CRYBG1: variants seen among roughly 807,000 people sequenced by gnomAD.
The protein encoded by CRYBG1 is crystallin beta-gamma domain containing 1.
Under a neutral mutation model 189.2 loss-of-function variants are expected in CRYBG1, and 139 were observed. That is an observed-to-expected ratio of 0.73 (90% CI 0.64 to 0.85). The LOEUF (loss-of-function observed/expected upper bound fraction) is 0.85, where lower values mean the gene tolerates loss of function less well. CRYBG1 is among the 40% of genes least tolerant of loss of function. The pLI, the probability that CRYBG1 is intolerant of heterozygous loss-of-function variation, is 0.00. For missense variants in CRYBG1, 2,611 were observed against 2,675.8 expected (o/e 0.98, Z 0.53); for synonymous variants, 1,023 against 1,017.1 (o/e 1.01, Z -0.11).
chr6:106,445,049 T>C (rs9386544), intron 1 of CRYBG1, among the ~76,000 whole-genome samples: 48,129 of 151,994 alleles, frequency 0.32, 8,149 homozygotes, highest in East Asian at 0.54. Flanking sequence ...AATCAGGAAG[T>C]AGAGGCTGAC....
rs764331448 is a variant in CRYBG1, at chr6:106,460,148, G to A, written c.312+8316G>A. ...ACTACAGGCGCCCGCCACCACGCCC[G>A]GCTAATTTTTTTTTTTGTATTTTTA... is the stretch of plus-strand genomic sequence containing the variant. On this transcript the variant is annotated intron_variant, in intron 2 of 21. Transcript: ENST00000633556. 5.8e-4 allele frequency among the ~76,000 whole-genome samples: 46 copies of A among 78,946 alleles called. 1 individual carries two copies. The highest frequency in any genetic ancestry group is 9.3e-4 in the Non-Finnish European group (38 of 40,978). The allele number at this position is 78,946 out of a possible 152,430, so 51.8% of individuals were successfully genotyped here.
chr6:106,440,423 C>T (rs1477416054), intron 1 of CRYBG1, among the ~76,000 whole-genome samples: 1 of 149,596 alleles, frequency 6.7e-6, no homozygotes, highest in Admixed American at 6.6e-5. Context: ...CACCACCATG[C>T]CCAGCTAATT....
At chr6:106,469,770 G>GA (rs1017657972) in intron 2 of CRYBG1, among the ~76,000 whole-genome samples, 29 of 150,602 alleles carry the variant, frequency 1.9e-4, no homozygotes, top group East Asian at 3.9e-4. Flanking sequence ...GGCATTAAAA[G>GA]AAAAAAAAAG....
intron 2 of CRYBG1, among the ~76,000 whole-genome samples, chr6:106,482,687 A>C (rs1468446497): frequency 6.6e-6 from 1 of 152,184 alleles, no homozygotes; most frequent in Non-Finnish European, 1.5e-5. Flanking sequence ...AGGCAGTAGA[A>C]TGGCATGAAC....
At chr6:106,401,191 A>G (rs1032271855) in intron 1 of CRYBG1, among the ~76,000 whole-genome samples, 1 of 152,222 alleles carries the variant, frequency 6.6e-6, no homozygotes, top group Non-Finnish European at 1.5e-5. Flanking sequence ...TTTTCAACCT[A>G]CAGAGCAAAT....
chr6:106,555,612 T>C (rs749413462), intron 16 of CRYBG1, among the ~76,000 whole-genome samples, 156 bp from the exon 17 acceptor site: 2 of 152,194 alleles, frequency 1.3e-5, no homozygotes, highest in African/African-American at 4.8e-5. Context: ...CAAGCAGAAA[T>C]GCAATAAATA....
At position 106,530,933 on chromosome 6, in the gene CRYBG1, T is replaced by G. The variant is rs73520823; in HGVS notation, c.4718+618T>G. On this transcript the variant is annotated intron_variant, in intron 8 of 21. Transcript: ENST00000633556. ...ATGCAGGAAAAAACACTAAAGCTTC[T>G]TTCTATTTGATTAAAGTCTCCACCT... 2.9e-3 allele frequency among the ~76,000 whole-genome samples: 435 copies of G among 152,344 alleles called. 4 individuals are homozygous for G. The highest frequency in any genetic ancestry group is 0.01 in the African/African-American group (424 of 41,586).
chr6:106,542,121 C>CAT (rs1774143605), intron 10 of CRYBG1, among the ~76,000 whole-genome samples: 1 of 146,610 alleles, frequency 6.8e-6, no homozygotes, highest in South Asian at 2.2e-4. Flanking sequence ...TTTATATATA[C>CAT]ATATATATGT....
chr6:106,446,566 A>C (rs1371882799), intron 1 of CRYBG1, among the ~76,000 whole-genome samples: 6 of 150,512 alleles, frequency 4.0e-5, no homozygotes, highest in African/African-American at 1.5e-4. Flanking sequence ...CATTACTATA[A>C]AACAAGAATT....
chr6:106,535,258 C>A (rs1384723974), intron 8 of CRYBG1, among the ~76,000 whole-genome samples: 1 of 152,062 alleles, frequency 6.6e-6, no homozygotes, highest in Non-Finnish European at 1.5e-5. Flanking sequence ...GTATTTTTTT[C>A]ATTGCTGTGT....
At chr6:106,387,596 A>G (rs1429067764) in intron 1 of CRYBG1, among the ~76,000 whole-genome samples, 2 of 152,162 alleles carry the variant, frequency 1.3e-5, no homozygotes, top group African/African-American at 4.8e-5. Context: ...GACATTTGCT[A>G]TCCATGCAAA....
At chr6:106,530,922 A>G (rs1030480007) in intron 8 of CRYBG1, among the ~76,000 whole-genome samples, 10 of 152,366 alleles carry the variant, frequency 6.6e-5, no homozygotes, top group Admixed American at 3.9e-4. Flanking sequence ...AGGAAAAAAC[A>G]CTAAAGCTTC....
At chr6:106,514,015 A>C (rs1773360349) in intron 3 of CRYBG1, among the ~76,000 whole-genome samples, 1 of 152,262 alleles carries the variant, frequency 6.6e-6, no homozygotes, top group Admixed American at 6.5e-5. Context: ...CAAAAAGCAC[A>C]CAAATCAAAT....
chr6:106,459,545 G>GGT (rs1771959325), intron 2 of CRYBG1, among the ~76,000 whole-genome samples: 2 of 138,946 alleles, frequency 1.4e-5, no homozygotes, highest in African/African-American at 5.3e-5. Context: ...CCATTTGTGG[G>GGT]TTTTTTTTTT....
chr6:106,502,144 C>T (rs1205063645), intron 2 of CRYBG1, among the ~76,000 whole-genome samples: 1 of 152,226 alleles, frequency 6.6e-6, no homozygotes. Flanking sequence ...AACTTAATCA[C>T]CATCTCCTGC....
intron 3 of CRYBG1, among the ~76,000 whole-genome samples, chr6:106,514,425 A>G (rs912577681): frequency 6.6e-6 from 1 of 152,064 alleles, no homozygotes; most frequent in Admixed American, 6.6e-5. Flanking sequence ...TGATTGGGAG[A>G]ACTCTGAGAA....
At chr6:106,506,043 G>T (rs1773125792) in intron 2 of CRYBG1, among the ~76,000 whole-genome samples, 2 of 152,170 alleles carry the variant, frequency 1.3e-5, no homozygotes, top group African/African-American at 2.4e-5. Context: ...GGGCTGAGAG[G>T]CTGCAGTAAA....
chr6:106,509,817 C>T (rs932107060), intron 2 of CRYBG1, among the ~76,000 whole-genome samples: 26 of 152,068 alleles, frequency 1.7e-4, no homozygotes, highest in African/African-American at 6.3e-4. Flanking sequence ...CCGCCTCTCC[C>T]CCCCACCCCA....
chr6:106,438,187 A>G (rs1488643505), intron 1 of CRYBG1, among the ~76,000 whole-genome samples: 1 of 152,236 alleles, frequency 6.6e-6, no homozygotes, highest in Non-Finnish European at 1.5e-5. Context: ...AACTACTCTG[A>G]AGGCCAGCGT....
Sources: gnomAD v4.1 joint callset for allele counts (sites outside exome capture counted in the v4.1 genomes callset) on GRCh38, gnomAD v4.1.1 for gene constraint, MANE v1.5 for transcripts, NCBI Gene and HGNC (gene_info 2026-07-23, HGNC 2026-07-21) for gene names.